The following WDFY2 variants were observed in gnomAD, a reference collection of about 807,000 sequenced individuals.
WDFY2 encodes WD repeat and FYVE domain containing 2.
A neutral mutation model predicts 56.4 loss-of-function variants in WDFY2; 36 were observed. That is an observed-to-expected ratio of 0.64 (90% CI 0.49 to 0.84). The LOEUF (loss-of-function observed/expected upper bound fraction) is 0.84. WDFY2 is among the 40% of genes least tolerant of loss of function. The pLI, the probability that WDFY2 is intolerant of heterozygous loss-of-function variation, is 0.00. For missense variants in WDFY2, 444 were observed against 512.2 expected (o/e 0.87, Z 1.29); for synonymous variants, 176 against 183.7 (o/e 0.96, Z 0.34).
intron 1 of WDFY2, among the ~76,000 whole-genome samples, chr13:51,610,778 A>G (rs1364196727): frequency 6.6e-6 from 1 of 152,196 alleles, no homozygotes; most frequent in Admixed American, 6.5e-5. Context: ...GGTTGTTTTT[A>G]TACTATAGAT....
chr13:51,663,127 C>CCT (rs373286695), intron 2 of WDFY2, among the ~76,000 whole-genome samples: 49 of 151,676 alleles, frequency 3.2e-4, no homozygotes, highest in Non-Finnish European at 5.7e-4. Flanking sequence ...CAAGATGCCA[C>CCT]CTCTCTCTCT....
chr13:51,656,771 A>AT (rs1955516520), intron 1 of WDFY2, among the ~76,000 whole-genome samples: 1 of 151,958 alleles, frequency 6.6e-6, no homozygotes, highest in Non-Finnish European at 1.5e-5. Flanking sequence ...CTCAAAACCT[A>AT]TTTTTTCTGT....
chr13:51,756,526 T>C (rs916101049), intron 10 of WDFY2, 64 bp downstream of exon 10: 2 of 1,546,036 alleles, frequency 1.3e-6, no homozygotes, highest in African/African-American at 2.7e-5. Flanking sequence ...AGCCTTGCAC[T>C]CAGCGCCGCA....
At chr13:51,665,247 T>G (rs980415979) in intron 2 of WDFY2, among the ~76,000 whole-genome samples, 1 of 152,208 alleles carries the variant, frequency 6.6e-6, no homozygotes, top group African/African-American at 2.4e-5. Flanking sequence ...AAATATTCTT[T>G]CAAAAAGAAT....
At chr13:51,697,864 TAAG>T (rs989508568) in intron 3 of WDFY2, among the ~76,000 whole-genome samples, 2 of 152,238 alleles carry the variant, frequency 1.3e-5, no homozygotes, top group African/African-American at 2.4e-5. Context: ...GGGAAAAGCT[TAAG>T]AAGCTGAATT....
chr13:51,676,707 T>G (rs1955893526), intron 3 of WDFY2, among the ~76,000 whole-genome samples: 1 of 152,210 alleles, frequency 6.6e-6, no homozygotes, highest in Non-Finnish European at 1.5e-5. Flanking sequence ...TCCAATACAT[T>G]TGGTAGATCT....
chr13:51,723,776 C>T (rs534381546), intron 5 of WDFY2, among the ~76,000 whole-genome samples: 4 of 152,266 alleles, frequency 2.6e-5, no homozygotes, highest in African/African-American at 7.2e-5. Flanking sequence ...CCTGCAGCGC[C>T]GTCCTCCATA....
intron 8 of WDFY2, 119 bp downstream of exon 8, chr13:51,751,534 G>A (rs1469068748): frequency 3.0e-6 from 3 of 1,000,452 alleles, no homozygotes; most frequent in Middle Eastern, 2.1e-4. Context: ...TTAAAGAATT[G>A]TAGCATAAAA....
At chr13:51,620,215 G>A (rs1954699441) in intron 1 of WDFY2, among the ~76,000 whole-genome samples, 1 of 151,898 alleles carries the variant, frequency 6.6e-6, no homozygotes, top group African/African-American at 2.4e-5. Context: ...CATCTGGGTG[G>A]GGGTGGGTGG....
chr13:51,712,109 A>G (rs1952233259), intron 4 of WDFY2, among the ~76,000 whole-genome samples: 1 of 152,216 alleles, frequency 6.6e-6, no homozygotes, highest in South Asian at 2.1e-4. Flanking sequence ...ATGGAATACT[A>G]TGCAGCCATA....
intron 6 of WDFY2, among the ~76,000 whole-genome samples, chr13:51,736,640 G>A (rs373930171): frequency 3.3e-5 from 5 of 152,090 alleles, no homozygotes; most frequent in Admixed American, 6.5e-5. Context: ...CTACAGGTGC[G>A]CGCCACCACG....
intron 4 of WDFY2, among the ~76,000 whole-genome samples, chr13:51,715,052 G>A (rs1040358301): frequency 6.6e-6 from 1 of 152,180 alleles, no homozygotes; most frequent in African/African-American, 2.4e-5. Flanking sequence ...CCTGGATAGG[G>A]CACTTACCAT....
intron 1 of WDFY2, among the ~76,000 whole-genome samples, chr13:51,652,339 A>G (rs1006950753): frequency 4.6e-5 from 7 of 152,146 alleles, no homozygotes; most frequent in Non-Finnish European, 7.3e-5. Context: ...GCACACTGAT[A>G]GGTCTTGACT....
intron 1 of WDFY2, among the ~76,000 whole-genome samples, chr13:51,635,434 T>C (rs1361572214): frequency 6.6e-6 from 1 of 152,262 alleles, no homozygotes; most frequent in Non-Finnish European, 1.5e-5. Context: ...GCTAATGCAC[T>C]GTGCAAGGTG....
chr13:51,654,410 C>T (rs1039665196), intron 1 of WDFY2, among the ~76,000 whole-genome samples: 4 of 152,204 alleles, frequency 2.6e-5, no homozygotes, highest in Non-Finnish European at 5.9e-5. Flanking sequence ...ACCCACTGTC[C>T]TGCACTCACT....
At chr13:51,689,392 A>G (rs1336119594) in intron 3 of WDFY2, among the ~76,000 whole-genome samples, 4 of 152,122 alleles carry the variant, frequency 2.6e-5, no homozygotes, top group Non-Finnish European at 1.5e-5. Context: ...GAATTTGAGG[A>G]GGAATTTATA....
At position 51,617,442 on chromosome 13, in the gene WDFY2, C is replaced by T. The variant is rs79566285; in HGVS notation, c.137+32618C>T. ...GCAACCTCTGCCTCCTGGGTTCAAG[C>T]GAGAATTCTTTTCTTATTATGATGT... On this transcript the variant is annotated intron_variant, in intron 1 of 11. Coordinates refer to ENST00000298125, the MANE Select transcript of WDFY2 (RefSeq NM_052950.4). Among the ~76,000 whole-genome samples, 758 of 151,960 alleles carry T rather than the reference C, an allele frequency of 5.0e-3. 5 individuals carry two copies. The highest frequency in any genetic ancestry group is 0.014 in the African/African-American group (593 of 41,432).
At chr13:51,652,754 G>T (rs1199221029) in intron 1 of WDFY2, among the ~76,000 whole-genome samples, 1 of 152,242 alleles carries the variant, frequency 6.6e-6, no homozygotes, top group Non-Finnish European at 1.5e-5. Context: ...CTGGCTTGCA[G>T]AGTTTGTGCC....
intron 3 of WDFY2, among the ~76,000 whole-genome samples, chr13:51,699,672 GA>G (rs1404533428): frequency 6.6e-6 from 1 of 152,114 alleles, no homozygotes; most frequent in Non-Finnish European, 1.5e-5. Context: ...TTGAAAAGAT[GA>G]ATAGTGTCCA....
Sources: gnomAD v4.1 joint callset for allele counts (sites outside exome capture counted in the v4.1 genomes callset) on GRCh38, gnomAD v4.1.1 for gene constraint, MANE v1.5 for transcripts, NCBI Gene and HGNC (gene_info 2026-07-23, HGNC 2026-07-21) for gene names.